Variants in KCNN1 observed in about 807,000 individuals in gnomAD.
KCNN1 encodes the protein potassium calcium-activated channel subfamily N member 1, also known as small conductance calcium-activated potassium channel protein 1.
KCNN1 carries 20 observed loss-of-function variants against 44.7 expected under a neutral mutation model. The ratio of observed to expected loss-of-function variants is 0.45; its 90% CI spans 0.32 to 0.65. The LOEUF is 0.65. KCNN1 is among the 30% of genes least tolerant of loss of function. The pLI is 0.05. For missense variants in KCNN1, 632 were observed against 785.3 expected (o/e 0.80, Z 2.33); for synonymous variants, 324 against 341.7 (o/e 0.95, Z 0.57).
rs971199470 is a variant in KCNN1 at position 17,973,844 on chromosome 19, C to T, written c.-45C>T. 2.6e-6 allele frequency: 4 copies of T among 1,538,944 alleles called. No individual in the cohort carries two copies. Among genetic ancestry groups the T allele is most frequent in the South Asian group, 1.2e-5 (1 of 83,652 alleles). ...AGCCCAGCCGCTGAGCCATGCCGGG[C>T]CCCGGGCGGCCTGCAGCGAGCCCAA... is the stretch of plus-strand genomic sequence containing the variant. On this transcript the variant is annotated 5_prime_UTR_variant, in exon 2 of 10. Transcript: ENST00000684775.
rs1355288770 is a variant in KCNN1 at position 17,974,492 on chromosome 19, GC to G, written c.402+205del. On this transcript the variant is annotated intron_variant, in intron 2 of 9. Coordinates refer to ENST00000684775, the MANE Select transcript of KCNN1 (RefSeq NM_001386974.1). This position sits in a 1 kb window ranked among gnomAD's most constrained non-coding sequence, Gnocchi z 7.3. ...CTACACATGGAGAAGGAAGGTTCCA[GC>G]CCATTCCCTGGCCAGGTGTCAAGGG... Among the ~76,000 whole-genome samples, 1 of 152,170 alleles carries G rather than the reference GC, an allele frequency of 6.6e-6. No homozygotes were observed. Among genetic ancestry groups the G allele is most frequent in the Non-Finnish European group, 1.5e-5 (1 of 68,006 alleles).
chr19:17,966,465 C>T (rs2031812223), upstream of KCNN1, among the ~76,000 whole-genome samples: 1 of 152,208 alleles, frequency 6.6e-6, no homozygotes, highest in Non-Finnish European at 1.5e-5. Flanking sequence ...TTTTGGGGAC[C>T]CCCAGCCCTG....
intron 3 of KCNN1, among the ~76,000 whole-genome samples, chr19:17,977,367 A>G (rs552182864): frequency 6.6e-6 from 1 of 150,840 alleles, no homozygotes. Flanking sequence ...TTTGAGACAG[A>G]GTTTCACTCT....
upstream of KCNN1, among the ~76,000 whole-genome samples, chr19:17,966,098 T>C (rs2031803820): frequency 6.6e-6 from 1 of 150,882 alleles, no homozygotes; most frequent in African/African-American, 2.4e-5. Context: ...CCAACTGTTT[T>C]CTGAGCTCCG....
intron 7 of KCNN1, among the ~76,000 whole-genome samples, chr19:17,992,798 C>T (rs778515986): frequency 1.1e-4 from 17 of 152,070 alleles, no homozygotes; most frequent in Admixed American, 2.0e-4. Flanking sequence ...GAGATGGTGT[C>T]GGCATAGTTT....
chr19:17,983,973 T>C lies in KCNN1; in HGVS notation c.918-1339T>C, dbSNP rs2032510418. On this transcript the variant is annotated intron_variant, in intron 4 of 9. Transcript: ENST00000684775. This position sits in a 1 kb window ranked among gnomAD's most constrained non-coding sequence, Gnocchi z 4.5. ...GAGATTGAGACCATCCTGGCTAACATGGTGAAACCCTGTCTCTACTAAAAA... is the reference window on the plus strand; with the variant it reads ...GAGATTGAGACCATCCTGGCTAACACGGTGAAACCCTGTCTCTACTAAAAA... Among the ~76,000 whole-genome samples, 2 of 150,946 alleles carry C rather than the reference T, an allele frequency of 1.3e-5. No homozygotes were observed. Among genetic ancestry groups the C allele is most frequent in the African/African-American group, 2.4e-5 (1 of 40,982 alleles).
In KCNN1 at chr19:17,999,741, G is replaced by A. The variant is rs748248043; in HGVS notation, c.*1335G>A. On this transcript the variant is annotated 3_prime_UTR_variant, in exon 10 of 10. Transcript: ENST00000684775. ...GGTGGGGCGAGGAGGCCTGGCTCCT[G>A]GGGAGACGACGCTGTGCATAGCCGA... 2 of 316,648 alleles carry A rather than the reference G, an allele frequency of 6.3e-6. No individual in the cohort carries two copies. Among genetic ancestry groups the A allele is most frequent in the Admixed American group, 3.9e-5 (1 of 25,838 alleles). 19.6% of individuals were successfully genotyped at this position (316,648 alleles called of 1,614,324 possible).
chr19:17,976,678 A>T (rs1482315566), intron 3 of KCNN1, among the ~76,000 whole-genome samples: 1 of 150,800 alleles, frequency 6.6e-6, no homozygotes, highest in East Asian at 2.0e-4. Context: ...TCGGCCTCCC[A>T]AGGTGCTGGG....
rs542564443 is a variant in KCNN1 at position 17,982,571 on chromosome 19, A to G, written c.917+444A>G. The G allele has an allele frequency of 8.3e-4, 820 of 985,372 alleles. 1 individual carries two copies. The highest frequency in any genetic ancestry group is 9.5e-4 in the Non-Finnish European group (788 of 829,896). 61.0% of individuals were successfully genotyped at this position (985,372 alleles called of 1,614,324 possible). A position where few individuals can be genotyped will look rare whatever the true frequency, so the allele number is the denominator to read the frequency against. On this transcript the variant is annotated intron_variant, in intron 4 of 9. Transcript: ENST00000684775. Reference sequence around the variant, plus strand: ...TGCCCGCTCCACTGGACTTTAGGGAAAACATGTGAGTCCCACCCTCCGCTG... The same window carrying G: ...TGCCCGCTCCACTGGACTTTAGGGAGAACATGTGAGTCCCACCCTCCGCTG...
At chr19:17,992,813 A>G (rs1453941140) in intron 7 of KCNN1, among the ~76,000 whole-genome samples, 1 of 152,032 alleles carries the variant, frequency 6.6e-6, no homozygotes, top group Non-Finnish European at 1.5e-5. Flanking sequence ...TAGTTTTCTG[A>G]ATGAAACACC....
chr19:17,966,059 TC>T (rs1599348350), upstream of KCNN1, among the ~76,000 whole-genome samples: 4 of 151,600 alleles, frequency 2.6e-5, no homozygotes, highest in East Asian at 7.8e-4. Flanking sequence ...CTTCCTTCCT[TC>T]CTTCCTTCCT....
chr19:17,959,089 C>T (rs1490932415), intron 2 of KCNN1, among the ~76,000 whole-genome samples: 1 of 151,658 alleles, frequency 6.6e-6, no homozygotes, highest in East Asian at 1.9e-4. Context: ...GTGATCTCGG[C>T]TCACTACAAC....
Position 17,996,166 on chromosome 19 carries a change from C to CAAAA in KCNN1, c.1378-1970_1378-1967dup, listed in dbSNP as rs757072562. Among the ~76,000 whole-genome samples, 652 of 92,060 alleles carry CAAAA rather than the reference C, an allele frequency of 7.1e-3. 7 individuals are homozygous for CAAAA. Among genetic ancestry groups the CAAAA allele is most frequent in the Middle Eastern group, 0.029 (5 of 170 alleles). 60.4% of individuals were successfully genotyped at this position (92,060 alleles called of 152,430 possible). A position where few individuals can be genotyped will look rare whatever the true frequency, so the allele number is the denominator to read the frequency against. On this transcript the variant is annotated intron_variant, in intron 9 of 9. Transcript: ENST00000684775. Reference sequence around the variant, plus strand: ...GCAACATGGCAAAACTCCATTGCTACAAAAAAAAAAAAAAAAAAATAGAAA... The same window carrying CAAAA: ...GCAACATGGCAAAACTCCATTGCTACAAAAAAAAAAAAAAAAAAAAAAATAGAAA...
intron 1 of KCNN1, among the ~76,000 whole-genome samples, chr19:17,968,514 C>T (rs1275460207): frequency 6.6e-6 from 1 of 152,070 alleles, no homozygotes; most frequent in Non-Finnish European, 1.5e-5. Context: ...CCTAGGGCCC[C>T]TTCTCAGTGG....
chr19:17,956,086 C>G (rs1158116432), intron 2 of KCNN1, among the ~76,000 whole-genome samples: 1 of 152,098 alleles, frequency 6.6e-6, no homozygotes, highest in Admixed American at 6.6e-5. Flanking sequence ...TACAGGCATG[C>G]GTCACCACGC....
chr19:17,985,025 C>T (rs2032546737), intron 4 of KCNN1, among the ~76,000 whole-genome samples: 1 of 148,932 alleles, frequency 6.7e-6, no homozygotes, highest in Non-Finnish European at 1.5e-5. Flanking sequence ...ACCCATCCCC[C>T]TGTCTGTGTG....
upstream of KCNN1, among the ~76,000 whole-genome samples, chr19:17,966,015 GCCTGCCTGCCTTCCTTCCTTCCTT>G (rs1417780216): frequency 1.5e-3 from 184 of 124,446 alleles, no homozygotes; most frequent in Non-Finnish European, 2.1e-3. Flanking sequence ...CTGCCTGCCT[GCCTGCCTGCCTTCCTTCCTTCCTT>G]CCTTCCTTCC....
At chr19:17,958,921 C>T (rs1042023294) in intron 2 of KCNN1, among the ~76,000 whole-genome samples, 1 of 149,796 alleles carries the variant, frequency 6.7e-6, no homozygotes, top group African/African-American at 2.5e-5. Context: ...AGGATGGTCT[C>T]GATATCCTGA....
chr19:17,990,706 A>G (rs1424570454), intron 7 of KCNN1, among the ~76,000 whole-genome samples: 16 of 150,480 alleles, frequency 1.1e-4, no homozygotes, highest in Non-Finnish European at 4.4e-5. Flanking sequence ...AGGCTGAGGC[A>G]GGAGAATGGC....
Sources: allele counts gnomAD v4.1 joint callset (sites outside exome capture counted in the v4.1 genomes callset), GRCh38; gene constraint gnomAD v4.1.1; non-coding constraint Gnocchi (gnomAD v3.1); transcripts MANE v1.5; gene names NCBI Gene and HGNC (gene_info 2026-07-23, HGNC 2026-07-21).